GRK7: variants seen among roughly 807,000 people sequenced by gnomAD.
The protein encoded by GRK7 is G protein-coupled receptor kinase 7, also known as rhodopsin kinase GRK7.
A neutral mutation model predicts 34.1 loss-of-function variants in GRK7; 24 were observed. That is an observed-to-expected ratio of 0.70 (90% CI 0.51 to 0.99). The LOEUF (loss-of-function observed/expected upper bound fraction) is 0.99. GRK7 is among the 50% of genes least tolerant of loss of function. The pLI, the probability that GRK7 is intolerant of heterozygous loss-of-function variation, is 0.00. For missense variants in GRK7, 644 were observed against 707.3 expected (o/e 0.91, Z 1.02); for synonymous variants, 256 against 279.4 (o/e 0.92, Z 0.84).
upstream of GRK7, among the ~76,000 whole-genome samples, chr3:141,760,614 G>C (rs1465184427): frequency 6.6e-6 from 1 of 151,572 alleles, no homozygotes; most frequent in Non-Finnish European, 1.5e-5. Context: ...GGAGAGTTCT[G>C]TAGATGTCTA....
At chr3:141,769,558 A>G (rs935206988) in intron 1 of GRK7, among the ~76,000 whole-genome samples, 1 of 152,254 alleles carries the variant, frequency 6.6e-6, no homozygotes, top group African/African-American at 2.4e-5. Context: ...ATAATGGTAC[A>G]GGAGTTGGTC....
chr3:141,816,697 A>G lies in GRK7; in HGVS notation c.1326-17A>G, dbSNP rs1364422911. The G allele has an allele frequency of 1.4e-6, 2 of 1,476,076 alleles. No individual in the cohort carries two copies. The highest frequency in any genetic ancestry group is 2.3e-5 in the Admixed American group (1 of 43,304). The allele number at this position is 1,476,076 out of a possible 1,614,324, so 91.4% of individuals were successfully genotyped here. On this transcript the variant is annotated splice_polypyrimidine_tract_variant and intron_variant, in intron 5 of 5. Coordinates refer to ENST00000682958, the MANE Select transcript of GRK7 (RefSeq NM_139209.3). ...TTGTTAACTCTGTCTCAGGCTGATC[A>G]TCTCCTTTCTTCACAGAGAAAAGTC... is the stretch of plus-strand genomic sequence containing the variant.
In GRK7 at chr3:141,816,919, G is replaced by C; in HGVS notation, c.1531G>C (p.Gly511Arg). ...GCAGTTCTTCAAAAACTTTGCGACA[G>C]GTGCTGTTCCTATAGCATGGCAGGA... The part of the protein sequence containing the change: ...DKQFFKNFAT[G>R]AVPIAWQEEI... Residue 511 changes from glycine (G) to arginine (R), a missense_variant, in exon 6 of 6, where the codon GGT becomes CGT. Physicochemically the swap from Gly to Arg is moderately radical, Grantham distance 125. Coordinates refer to ENST00000682958, the MANE Select transcript of GRK7 (RefSeq NM_139209.3). 1 of 1,614,138 alleles carries C rather than the reference G, an allele frequency of 6.2e-7. No individual in the cohort carries two copies. Among genetic ancestry groups the C allele is most frequent in the Non-Finnish European group, 8.5e-7 (1 of 1,180,020 alleles).
chr3:141,789,670 A>C (rs891376340), intron 4 of GRK7, among the ~76,000 whole-genome samples: 14 of 147,036 alleles, frequency 9.5e-5, no homozygotes, highest in African/African-American at 3.0e-4. Flanking sequence ...AAAAAAAAAA[A>C]CACAAAACAG....
chr3:141,755,563 T>C, the GRK7 span, among the ~76,000 whole-genome samples: 5 of 152,346 alleles, frequency 3.3e-5, no homozygotes, highest in African/African-American at 1.2e-4. Context: ...GAAGTCTAAA[T>C]AGTCAGTTGG....
intron 3 of GRK7, among the ~76,000 whole-genome samples, chr3:141,779,819 T>C (rs1191470689): frequency 6.6e-6 from 1 of 152,210 alleles, no homozygotes; most frequent in Non-Finnish European, 1.5e-5. Context: ...GTTTTTGGGG[T>C]TCATTCACAC....
At chr3:141,757,017 G>A in the GRK7 span, among the ~76,000 whole-genome samples, 3 of 151,596 alleles carry the variant, frequency 2.0e-5, no homozygotes, top group African/African-American at 7.3e-5. Context: ...GGTTTTAAAT[G>A]TGCAAAATCT....
chr3:141,790,859 C>G (rs575474142), intron 4 of GRK7, among the ~76,000 whole-genome samples: 2 of 151,970 alleles, frequency 1.3e-5, no homozygotes, highest in Admixed American at 6.6e-5. Flanking sequence ...CCACCGCGCC[C>G]GGTCAACATG....
chr3:141,799,947 C>A (rs1266278797), intron 4 of GRK7, among the ~76,000 whole-genome samples: 1 of 152,156 alleles, frequency 6.6e-6, no homozygotes, highest in Non-Finnish European at 1.5e-5. Flanking sequence ...AACTTTAATC[C>A]TTAATGTCAC....
chr3:141,786,294 T>C (rs971383159), intron 4 of GRK7, among the ~76,000 whole-genome samples: 6 of 152,118 alleles, frequency 3.9e-5, no homozygotes, highest in Non-Finnish European at 7.3e-5. Flanking sequence ...TTTACAGACA[T>C]TGGAACTAAA....
At chr3:141,808,397 C>T (rs1189634282) in intron 5 of GRK7, among the ~76,000 whole-genome samples, 2 of 152,020 alleles carry the variant, frequency 1.3e-5, no homozygotes, top group Non-Finnish European at 2.9e-5. Context: ...TATGAGGTAC[C>T]TAGAGTAGTC....
At chr3:141,771,058 CCACTATTGGGTATCTCCT>C (rs938443205) in intron 1 of GRK7, among the ~76,000 whole-genome samples, 3 of 151,222 alleles carry the variant, frequency 2.0e-5, no homozygotes, top group African/African-American at 7.3e-5. Flanking sequence ...TCCAGCAATC[CCACTATTGGGTATCTCCT>C]CAAAGGAAAT....
At chr3:141,816,125 A>C (rs1711149992) in intron 5 of GRK7, among the ~76,000 whole-genome samples, 1 of 152,146 alleles carries the variant, frequency 6.6e-6, no homozygotes, top group Non-Finnish European at 1.5e-5. Context: ...ATAGAGATGG[A>C]GGGTTTGATA....
chr3:141,766,583 T>A (rs1463944866), intron 1 of GRK7, among the ~76,000 whole-genome samples: 1 of 152,248 alleles, frequency 6.6e-6, no homozygotes, highest in Non-Finnish European at 1.5e-5. Flanking sequence ...ACTTACTACT[T>A]CTTCATTCCA....
intron 4 of GRK7, among the ~76,000 whole-genome samples, chr3:141,790,872 C>T (rs1168992479): frequency 2.6e-5 from 4 of 152,104 alleles, no homozygotes; most frequent in Non-Finnish European, 5.9e-5. Flanking sequence ...TCAACATGCA[C>T]TTTTAATAAA....
At chr3:141,799,494 C>G (rs1169805124) in intron 4 of GRK7, among the ~76,000 whole-genome samples, 2 of 152,022 alleles carry the variant, frequency 1.3e-5, no homozygotes, top group African/African-American at 4.8e-5. Context: ...CGCCTGTAAT[C>G]CCAGCTACTC....
rs1240660791 is a variant in GRK7, at chr3:141,817,248, C to T, written c.*198C>T. 2 of 491,706 alleles carry T rather than the reference C, an allele frequency of 4.1e-6. No individual in the cohort carries two copies. The highest frequency in any genetic ancestry group is 7.1e-6 in the Non-Finnish European group (2 of 281,420). The allele number at this position is 491,706 out of a possible 1,614,324, so 30.5% of individuals were successfully genotyped here. ...CTTTCTTCATAAAGATGAGTAAAGT[C>T]TCAGTTTTCACTGAGGGCAGGGAAA... On this transcript the variant is annotated 3_prime_UTR_variant, in exon 6 of 6. Transcript: ENST00000682958.
chr3:141,800,380 TAA>T (rs5853047), intron 4 of GRK7, among the ~76,000 whole-genome samples: 8,028 of 79,434 alleles, frequency 0.1, 319 homozygotes, highest in African/African-American at 0.18. Flanking sequence ...TTGTCATTTG[TAA>T]AAAAAAAAAA....
At chr3:141,750,873 G>A in the GRK7 span, among the ~76,000 whole-genome samples, 1 of 151,654 alleles carries the variant, frequency 6.6e-6, no homozygotes, top group Non-Finnish European at 1.5e-5. Flanking sequence ...AGGGAATAGA[G>A]TTAGAGAAAA....
Sources: gnomAD v4.1 joint callset for allele counts (sites outside exome capture counted in the v4.1 genomes callset) on GRCh38, gnomAD v4.1.1 for gene constraint, MANE v1.5 for transcripts, NCBI Gene and HGNC (gene_info 2026-07-23, HGNC 2026-07-21) for gene names.